The following FILIP1L variants were observed in gnomAD, a reference collection of about 807,000 sequenced individuals.
FILIP1L encodes the protein filamin A interacting protein 1 like.
A neutral mutation model predicts 96.6 loss-of-function variants in FILIP1L; 55 were observed. The observed-to-expected ratio is 0.57, with a 90% CI of 0.46 to 0.71. The LOEUF (loss-of-function observed/expected upper bound fraction) is 0.71. Among genes scored for constraint, FILIP1L ranks in the 30% least tolerant of loss-of-function variants. The probability of loss-of-function intolerance (pLI) is 0.00; values close to 1 mark genes in which losing one functional copy is unlikely to be tolerated. For synonymous variants in FILIP1L, 467 were observed against 473.9 expected, an observed-to-expected ratio of 0.99 and a Z score of 0.19; for missense variants, 1,304 against 1,321.2, an observed-to-expected ratio of 0.99 and a Z score of 0.20.
At chr3:99,958,694 G>C (rs758495699) in intron 1 of FILIP1L, among the ~76,000 whole-genome samples, 10 of 152,156 alleles carry the variant, frequency 6.6e-5, no homozygotes, top group African/African-American at 2.2e-4. Flanking sequence ...GCAGTGTGAG[G>C]CATAGAGGCA....
At chr3:99,920,966 A>G (rs1282331451) in intron 4 of FILIP1L, among the ~76,000 whole-genome samples, 1 of 152,192 alleles carries the variant, frequency 6.6e-6, no homozygotes, top group South Asian at 2.1e-4. Context: ...CAGAGTTTCA[A>G]CCAGATACCC....
At chr3:99,916,354 G>A (rs1215235068) in intron 4 of FILIP1L, among the ~76,000 whole-genome samples, 1 of 151,662 alleles carries the variant, frequency 6.6e-6, no homozygotes, top group Admixed American at 6.6e-5. Context: ...TGGCTTTCTT[G>A]GGTCTCCAGT....
intron 1 of FILIP1L, chr3:100,041,300 A>T (rs543413911): frequency 1.3e-5 from 2 of 152,338 alleles, no homozygotes; most frequent in South Asian, 4.1e-4. Context: ...TAGAAAAGCA[A>T]AATTATGATG....
chr3:99,949,035 C>T (rs983386441), intron 1 of FILIP1L, among the ~76,000 whole-genome samples: 1 of 152,134 alleles, frequency 6.6e-6, no homozygotes, highest in African/African-American at 2.4e-5. Context: ...TATTTCCTAG[C>T]ATACAGCTGT....
intron 4 of FILIP1L, among the ~76,000 whole-genome samples, chr3:99,873,430 TC>T (rs1705339507): frequency 6.6e-6 from 1 of 152,216 alleles, no homozygotes; most frequent in Non-Finnish European, 1.5e-5. Context: ...TTGCCTTACA[TC>T]CACAATATCC....
At chr3:99,872,325 C>CTGTGTGTGTGTGTGTGTG (rs1186426545) in intron 4 of FILIP1L, among the ~76,000 whole-genome samples, 6 of 65,436 alleles carry the variant, frequency 9.2e-5, no homozygotes, top group East Asian at 5.2e-4. Flanking sequence ...GTGTGTGTGA[C>CTGTGTGTGTGTGTGTGTG]TGTGGGGCCT....
intron 1 of FILIP1L, among the ~76,000 whole-genome samples, chr3:99,991,655 C>T (rs1429481423): frequency 6.6e-6 from 1 of 151,896 alleles, no homozygotes; most frequent in African/African-American, 2.4e-5. Context: ...CTCTGTATGT[C>T]CATGTATATC....
chr3:99,998,877 TAAACTC>T (rs200375555), intron 1 of FILIP1L, among the ~76,000 whole-genome samples: 1,794 of 152,324 alleles, frequency 0.012, 23 homozygotes, highest in African/African-American at 0.026. Context: ...CCATGGTTCT[TAAACTC>T]TAACCTAATC....
chr3:100,002,307 T>A (rs1248089796), intron 1 of FILIP1L, among the ~76,000 whole-genome samples: 4 of 152,244 alleles, frequency 2.6e-5, no homozygotes, highest in Admixed American at 2.6e-4. Flanking sequence ...TCAAAACTTC[T>A]TGTTGTTCAA....
At position 100,009,337 on chromosome 3, in the gene FILIP1L, A is replaced by G. The variant is rs1203074473; in HGVS notation, c.-10-78307T>C. 2.0e-5 allele frequency among the ~76,000 whole-genome samples: 3 copies of G among 152,158 alleles called. No individual in the cohort carries two copies. The East Asian group carries it at 5.8e-4, about 29-fold the overall frequency. On this transcript the variant is annotated intron_variant, in intron 1 of 5. Transcript: ENST00000477258. ...AATTTCCCCATAATTTCACTGAGGG[A>G]GTTAGAGTTCGCAGTAGTGGTAATA...
At chr3:99,918,834 TTTG>T (rs757690044) in intron 4 of FILIP1L, among the ~76,000 whole-genome samples, 17 of 152,222 alleles carry the variant, frequency 1.1e-4, no homozygotes, top group Non-Finnish European at 2.5e-4. Context: ...GGATCTCCAT[TTTG>T]TTCTGTCAAA....
rs570275880 is a variant in FILIP1L at position 100,081,596 on chromosome 3, T to C, written c.-11+32457A>G. Among the ~76,000 whole-genome samples the C allele has an allele frequency of 4.6e-5, 7 of 152,360 alleles. No homozygotes were observed. The South Asian group carries it at 1.2e-3, about 27-fold the overall frequency. ...GTGTAGTTTGGCCTCTGCACCCTAA[T>C]TGTTGCCTCCTTGAAGTCTGCATGC... On this transcript the variant is annotated intron_variant, in intron 1 of 5. Coordinates refer to ENST00000477258, the MANE Select transcript of FILIP1L (RefSeq NM_001387850.1).
chr3:100,089,831 A>G (rs985552994), intron 1 of FILIP1L, among the ~76,000 whole-genome samples: 4 of 152,224 alleles, frequency 2.6e-5, no homozygotes, highest in African/African-American at 9.6e-5. Context: ...ACTGGATTCT[A>G]GTCTCCATTT....
chr3:99,906,780 T>A (rs1706631602), intron 4 of FILIP1L, among the ~76,000 whole-genome samples: 1 of 152,180 alleles, frequency 6.6e-6, no homozygotes, highest in Non-Finnish European at 1.5e-5. Context: ...GATTGGATCA[T>A]TGAACTATAA....
At chr3:99,938,013 T>C (rs1707735019) in intron 1 of FILIP1L, among the ~76,000 whole-genome samples, 1 of 152,122 alleles carries the variant, frequency 6.6e-6, no homozygotes, top group Admixed American at 6.5e-5. Context: ...TTAATATCAA[T>C]TTCAGGGCAG....
At chr3:100,072,929 T>C (rs1345172795) in intron 1 of FILIP1L, among the ~76,000 whole-genome samples, 1 of 152,190 alleles carries the variant, frequency 6.6e-6, no homozygotes, top group African/African-American at 2.4e-5. Context: ...GAGGCTGCTT[T>C]TGTCACAGGG....
At chr3:99,868,419 G>GCC (rs1301877140) in intron 4 of FILIP1L, among the ~76,000 whole-genome samples, 1 of 152,172 alleles carries the variant, frequency 6.6e-6, no homozygotes, top group African/African-American at 2.4e-5. Flanking sequence ...GCCTGAGACA[G>GCC]CCCCCTATAT....
chr3:100,100,947 G>A (rs2066293521), intron 1 of FILIP1L, among the ~76,000 whole-genome samples: 2 of 152,082 alleles, frequency 1.3e-5, no homozygotes, highest in Admixed American at 1.3e-4. Context: ...TGTGTTAGTG[G>A]TCAGTTTTTT....
At chr3:99,914,115 A>C (rs1706878072) in intron 4 of FILIP1L, among the ~76,000 whole-genome samples, 1 of 152,218 alleles carries the variant, frequency 6.6e-6, no homozygotes, top group Non-Finnish European at 1.5e-5. Context: ...TATTTTCAAC[A>C]AATCAGACTT....
Sources: gnomAD v4.1 joint callset for allele counts (sites outside exome capture counted in the v4.1 genomes callset) on GRCh38, gnomAD v4.1.1 for gene constraint, MANE v1.5 for transcripts, NCBI Gene and HGNC (gene_info 2026-07-23, HGNC 2026-07-21) for gene names.